The following DSCAM variants were observed in gnomAD, a reference collection of about 807,000 sequenced individuals.
The protein encoded by DSCAM is cell adhesion molecule DSCAM.
Under a neutral mutation model 217.7 loss-of-function variants are expected in DSCAM, and 47 were observed. The ratio of observed to expected loss-of-function variants is 0.22; its 90% CI spans 0.17 to 0.28. DSCAM has a LOEUF of 0.28. Ranked by LOEUF, DSCAM falls within the 10% of genes least tolerant of loss-of-function variation. The pLI is 1.00. For missense variants in DSCAM, 2,080 were observed against 2,618.3 expected (o/e 0.79, Z 4.49); for synonymous variants, 1,056 against 1,015.3 (o/e 1.04, Z -0.76).
intron 32 of DSCAM, among the ~76,000 whole-genome samples, chr21:40,041,938 G>C (rs1440934657): frequency 1.3e-5 from 2 of 152,180 alleles, no homozygotes; most frequent in East Asian, 3.9e-4. Flanking sequence ...GAATATGACA[G>C]AAATGATAGC....
At chr21:40,420,782 T>C (rs1020754886) in intron 3 of DSCAM, among the ~76,000 whole-genome samples, 6 of 152,140 alleles carry the variant, frequency 3.9e-5, no homozygotes, top group African/African-American at 1.4e-4. Context: ...ATGATGTTTC[T>C]ACAAGCCAAC....
At chr21:40,575,637 A>G in intron 3 of DSCAM, among the ~76,000 whole-genome samples, 1 of 152,338 alleles carries the variant, frequency 6.6e-6, no homozygotes, top group Middle Eastern at 3.4e-3. Flanking sequence ...AAAATTAACT[A>G]GAGAAAAATA....
chr21:40,757,602 T>A (rs1601221285), intron 1 of DSCAM, among the ~76,000 whole-genome samples: 1 of 152,300 alleles, frequency 6.6e-6, no homozygotes, highest in East Asian at 1.9e-4. Flanking sequence ...ACCACCCGAG[T>A]ACTAGGCTAG....
intron 3 of DSCAM, among the ~76,000 whole-genome samples, chr21:40,656,627 C>T (rs751506780): frequency 2.1e-4 from 32 of 152,136 alleles, no homozygotes; most frequent in Non-Finnish European, 3.8e-4. Flanking sequence ...TCTGTGTCAC[C>T]GTTGCAGAAG....
intron 25 of DSCAM, among the ~76,000 whole-genome samples, chr21:40,079,677 G>A (rs433836): frequency 6.6e-6 from 1 of 151,776 alleles, no homozygotes; most frequent in Non-Finnish European, 1.5e-5. Context: ...CTCTGAATAT[G>A]ATTTCTTTGG....
chr21:40,531,917 T>TG (rs953553755), intron 3 of DSCAM, among the ~76,000 whole-genome samples: 9 of 152,164 alleles, frequency 5.9e-5, no homozygotes, highest in African/African-American at 1.9e-4. Flanking sequence ...GTGCTGGGCT[T>TG]GGGGAGGACA....
chr21:40,531,354 C>A lies in DSCAM; in HGVS notation c.508+161456G>T, dbSNP rs535552813. Among the ~76,000 whole-genome samples, 13 of 152,302 alleles carry A rather than the reference C, an allele frequency of 8.5e-5. No individual in the cohort carries two copies. In the South Asian group the frequency reaches 2.7e-3, roughly 32 times the overall value. On this transcript the variant is annotated intron_variant, in intron 3 of 32. Transcript: ENST00000400454. Reference sequence around the variant, plus strand: ...ACACCTGTCTCATTCTTCATTCACCCCTGTCTCCGTTTACCTGTCCTTTCT... The same window carrying A: ...ACACCTGTCTCATTCTTCATTCACCACTGTCTCCGTTTACCTGTCCTTTCT...
intron 3 of DSCAM, among the ~76,000 whole-genome samples, chr21:40,587,472 A>G (rs1411703244): frequency 2.6e-5 from 4 of 152,238 alleles, no homozygotes; most frequent in African/African-American, 9.6e-5. Flanking sequence ...TGTACCCCGT[A>G]ACTGGCTGCA....
intron 3 of DSCAM, among the ~76,000 whole-genome samples, chr21:40,440,796 C>T (rs866214012): frequency 3.3e-4 from 50 of 151,238 alleles, no homozygotes; most frequent in African/African-American, 1.0e-3. Flanking sequence ...CCCCATATGA[C>T]AGGACCTATA....
At chr21:40,830,483 A>G (rs2092004010) in intron 1 of DSCAM, among the ~76,000 whole-genome samples, 1 of 152,020 alleles carries the variant, frequency 6.6e-6, no homozygotes. Flanking sequence ...CTATATCACC[A>G]CTCTAAATAG....
At chr21:40,650,038 C>G (rs1259715766) in intron 3 of DSCAM, among the ~76,000 whole-genome samples, 1 of 152,120 alleles carries the variant, frequency 6.6e-6, no homozygotes, top group African/African-American at 2.4e-5. Flanking sequence ...GACAACAAAG[C>G]TTATTGCAGG....
At chr21:40,413,310 T>A (rs1165151617) in intron 3 of DSCAM, among the ~76,000 whole-genome samples, 1 of 152,088 alleles carries the variant, frequency 6.6e-6, no homozygotes, top group East Asian at 1.9e-4. Context: ...GCATCATGCA[T>A]CTGGAAAAGC....
chr21:40,250,346 G>A (rs950259105), intron 11 of DSCAM, among the ~76,000 whole-genome samples: 1 of 152,114 alleles, frequency 6.6e-6, no homozygotes, highest in Non-Finnish European at 1.5e-5. Flanking sequence ...GGAGATGAAG[G>A]CTACTTCCTT....
At chr21:40,033,814 G>A (rs2088581358) in intron 32 of DSCAM, among the ~76,000 whole-genome samples, 1 of 150,022 alleles carries the variant, frequency 6.7e-6, no homozygotes, top group African/African-American at 2.5e-5. Context: ...GGTCCTCCCA[G>A]TACGCAGCTG....
At chr21:40,205,129 T>G (rs960351577) in intron 11 of DSCAM, among the ~76,000 whole-genome samples, 1 of 152,220 alleles carries the variant, frequency 6.6e-6, no homozygotes, top group African/African-American at 2.4e-5. Flanking sequence ...CAGAGGCTCA[T>G]GAAGAGACAT....
intron 32 of DSCAM, among the ~76,000 whole-genome samples, chr21:40,029,710 T>A (rs899706790): frequency 1.3e-5 from 2 of 152,238 alleles, no homozygotes; most frequent in East Asian, 3.9e-4. Flanking sequence ...ACCATGCTGT[T>A]TTCCCTCTCT....
chr21:40,528,095 T>C (rs1044681514), intron 3 of DSCAM, among the ~76,000 whole-genome samples: 1 of 152,224 alleles, frequency 6.6e-6, no homozygotes, highest in African/African-American at 2.4e-5. Context: ...ATAGTATTTC[T>C]ACCATGTTCT....
At chr21:40,102,267 T>C (rs1475349548) in intron 20 of DSCAM, among the ~76,000 whole-genome samples, 1 of 152,192 alleles carries the variant, frequency 6.6e-6, no homozygotes, top group Admixed American at 6.5e-5. Flanking sequence ...TTAAAAAATA[T>C]TTATAGCAAG....
At chr21:40,751,930 G>A (rs998728609) in intron 1 of DSCAM, among the ~76,000 whole-genome samples, 4 of 151,890 alleles carry the variant, frequency 2.6e-5, no homozygotes, top group African/African-American at 7.3e-5. Flanking sequence ...CCATCTCCTC[G>A]GCCACTGATC....
Sources: gnomAD v4.1 joint callset for allele counts (sites outside exome capture counted in the v4.1 genomes callset) on GRCh38, gnomAD v4.1.1 for gene constraint, MANE v1.5 for transcripts, NCBI Gene and HGNC (gene_info 2026-07-23, HGNC 2026-07-21) for gene names.